The following CTTNBP2NL variants were observed in gnomAD, a reference collection of about 807,000 sequenced individuals.
The protein encoded by CTTNBP2NL is CTTNBP2 N-terminal like.
CTTNBP2NL carries 16 observed loss-of-function variants against 32.5 expected under a neutral mutation model. That is an observed-to-expected ratio of 0.49 (90% confidence interval 0.33 to 0.75). The LOEUF is 0.75. Among genes scored for constraint, CTTNBP2NL ranks in the 30% least tolerant of loss-of-function variants. The probability of loss-of-function intolerance (pLI) is 0.02; values close to 1 mark genes in which losing one functional copy is unlikely to be tolerated. For missense variants in CTTNBP2NL, 645 were observed against 756.0 expected (o/e 0.85, Z 1.72); for synonymous variants, 298 against 289.4 (o/e 1.03, Z -0.30).
intron 3 of CTTNBP2NL, among the ~76,000 whole-genome samples, chr1:112,429,444 C>G (rs910119255): frequency 1.3e-5 from 2 of 152,180 alleles, no homozygotes; most frequent in African/African-American, 4.8e-5. Context: ...GTCAGAAGTT[C>G]CAAGCTCTAA....
At chr1:112,443,035 GAAGTGCCACA>G (rs1206282631) in intron 3 of CTTNBP2NL, among the ~76,000 whole-genome samples, 1 of 152,176 alleles carries the variant, frequency 6.6e-6, no homozygotes, top group Non-Finnish European at 1.5e-5. Flanking sequence ...CTGGGGGCTA[GAAGTGCCACA>G]CTTATACCTA....
At chr1:112,408,796 G>A (rs1312675602) in intron 1 of CTTNBP2NL, among the ~76,000 whole-genome samples, 1 of 151,874 alleles carries the variant, frequency 6.6e-6, no homozygotes, top group Non-Finnish European at 1.5e-5. Flanking sequence ...AGAATTTACT[G>A]GCCTCCTATA....
At chr1:112,428,637 AT>A (rs1390497249) in intron 3 of CTTNBP2NL, among the ~76,000 whole-genome samples, 2 of 152,178 alleles carry the variant, frequency 1.3e-5, no homozygotes, top group East Asian at 3.8e-4. Context: ...TAAATTTCAC[AT>A]TTCACCACAA....
Position 112,414,064 on chromosome 1 carries a change from T to G in CTTNBP2NL, c.-10+1747T>G, listed in dbSNP as rs192197843. On this transcript the variant is annotated intron_variant, in intron 2 of 5. Coordinates refer to ENST00000271277, the MANE Select transcript of CTTNBP2NL (RefSeq NM_018704.3). ...ACTCTGTCTCAAAAAAATAAATAAA[T>G]AAAAAGAAAAAGAAAAAAAGGCCAG... is the stretch of plus-strand genomic sequence containing the variant. Among the ~76,000 whole-genome samples, 482 of 148,312 alleles carry G rather than the reference T, an allele frequency of 3.2e-3. 1 individual carries two copies. The highest frequency in any genetic ancestry group is 5.0e-3 in the Non-Finnish European group (338 of 67,018).
chr1:112,451,003 C>T (rs1171535370), intron 4 of CTTNBP2NL, among the ~76,000 whole-genome samples: 1 of 152,026 alleles, frequency 6.6e-6, no homozygotes, highest in African/African-American at 2.4e-5. Context: ...TTCCCTTTGA[C>T]TGTCAGAAAT....
chr1:112,439,202 A>G (rs906576407), intron 3 of CTTNBP2NL, among the ~76,000 whole-genome samples: 1 of 127,144 alleles, frequency 7.9e-6, no homozygotes, highest in African/African-American at 2.5e-5. Flanking sequence ...TGCTCTCACC[A>G]TGGTAGGGGT....
intron 3 of CTTNBP2NL, among the ~76,000 whole-genome samples, chr1:112,429,767 TAATAA>T (rs1480726438): frequency 6.6e-6 from 1 of 152,130 alleles, no homozygotes; most frequent in Non-Finnish European, 1.5e-5. Flanking sequence ...ACTGTGAAAC[TAATAA>T]AATGAAAGAT....
chr1:112,410,475 A>G (rs1557885572), intron 1 of CTTNBP2NL, among the ~76,000 whole-genome samples: 1 of 151,960 alleles, frequency 6.6e-6, no homozygotes, highest in East Asian at 1.9e-4. Context: ...AAAAATAAAT[A>G]TCTTTATCTT....
rs1557900826 is a variant in CTTNBP2NL, at chr1:112,458,887, C to G, written c.*1475C>G. The G allele has an allele frequency of 6.6e-6, 1 of 152,122 alleles. No individual in the cohort carries two copies. Among genetic ancestry groups the G allele is most frequent in the Non-Finnish European group, 1.5e-5 (1 of 68,040 alleles). The allele number at this position is 152,122 out of a possible 1,614,324, so 9.4% of individuals were successfully genotyped here. Reference sequence around the variant, plus strand: ...GGTCATATAAATGAGTGAAACAGGCCTCTCACACAAGCGATGTAAAACAGC... The same window carrying G: ...GGTCATATAAATGAGTGAAACAGGCGTCTCACACAAGCGATGTAAAACAGC... On this transcript the variant is annotated 3_prime_UTR_variant, in exon 6 of 6. Coordinates refer to ENST00000271277, the MANE Select transcript of CTTNBP2NL (RefSeq NM_018704.3).
chr1:112,440,024 C>T (rs1489212669), intron 3 of CTTNBP2NL, among the ~76,000 whole-genome samples: 1 of 152,194 alleles, frequency 6.6e-6, no homozygotes, highest in African/African-American at 2.4e-5. Flanking sequence ...AAATTTTAAG[C>T]TCCTTGAGGG....
chr1:112,407,840 CTTTTTT>C (rs869134559), intron 1 of CTTNBP2NL, among the ~76,000 whole-genome samples: 1 of 96,068 alleles, frequency 1.0e-5, no homozygotes, highest in East Asian at 3.1e-4. Flanking sequence ...TTTTTTCTTT[CTTTTTT>C]TTTTTTTTTT....
In CTTNBP2NL at chr1:112,457,486, G is replaced by C. The variant is rs1323012891; in HGVS notation, c.*74G>C. 4 of 1,270,194 alleles carry C rather than the reference G, an allele frequency of 3.1e-6. No homozygotes were observed. The Admixed American group carries it at 8.8e-5, about 28-fold the overall frequency. 78.7% of individuals were successfully genotyped at this position (1,270,194 alleles called of 1,614,324 possible). On this transcript the variant is annotated 3_prime_UTR_variant, in exon 6 of 6. Coordinates refer to ENST00000271277, the MANE Select transcript of CTTNBP2NL (RefSeq NM_018704.3). ...AAAGCTCAGTCAGACTTCTGAGTCA[G>C]ATTATGTTATTTATTTTGATAGTAG...
intron 1 of CTTNBP2NL, among the ~76,000 whole-genome samples, chr1:112,407,686 A>C (rs1293892087): frequency 6.6e-6 from 1 of 152,162 alleles, no homozygotes; most frequent in Non-Finnish European, 1.5e-5. Flanking sequence ...TAGTAATCCA[A>C]ATATTCCAGT....
intron 1 of CTTNBP2NL, among the ~76,000 whole-genome samples, chr1:112,407,414 G>T (rs192524822): frequency 6.6e-6 from 1 of 152,114 alleles, no homozygotes; most frequent in African/African-American, 2.4e-5. Context: ...CTTCTGAGGC[G>T]TCTCTCCTTG....
intron 1 of CTTNBP2NL, among the ~76,000 whole-genome samples, chr1:112,409,610 CCCTGCCCTGT>C (rs1303533994): frequency 6.6e-6 from 1 of 152,174 alleles, no homozygotes; most frequent in Non-Finnish European, 1.5e-5. Flanking sequence ...CTCCACCCTG[CCCTGCCCTGT>C]CCTGCCCTGT....
At chr1:112,438,619 G>A (rs762849205) in intron 3 of CTTNBP2NL, among the ~76,000 whole-genome samples, 2 of 152,146 alleles carry the variant, frequency 1.3e-5, no homozygotes, top group Admixed American at 6.5e-5. Context: ...GTGAGAGAGG[G>A]CATCCTTACC....
intron 3 of CTTNBP2NL, among the ~76,000 whole-genome samples, chr1:112,422,580 C>T (rs2483361): frequency 0.55 from 83,837 of 151,996 alleles, 24,264 homozygotes; most frequent in South Asian, 0.71. Flanking sequence ...TTTTGCAAAG[C>T]GATTGTACCA....
intron 4 of CTTNBP2NL, among the ~76,000 whole-genome samples, chr1:112,450,453 G>A (rs1394732626): frequency 6.6e-6 from 1 of 152,202 alleles, no homozygotes; most frequent in African/African-American, 2.4e-5. Context: ...CAATTTAAAA[G>A]GTATCAGTGG....
intron 3 of CTTNBP2NL, among the ~76,000 whole-genome samples, chr1:112,418,307 A>G (rs1480051488): frequency 2.6e-5 from 4 of 152,158 alleles, no homozygotes; most frequent in Non-Finnish European, 5.9e-5. Flanking sequence ...AAATTTCTGC[A>G]AAGTGCCAGA....
Sources: allele counts gnomAD v4.1 joint callset (sites outside exome capture counted in the v4.1 genomes callset), GRCh38; gene constraint gnomAD v4.1.1; transcripts MANE v1.5; gene names NCBI Gene and HGNC (gene_info 2026-07-23, HGNC 2026-07-21).